SIPA1L3: variants seen among roughly 807,000 people sequenced by gnomAD.
SIPA1L3 encodes signal induced proliferation associated 1 like 3.
SIPA1L3 carries 59 observed loss-of-function variants against 150.1 expected under a neutral mutation model. That is an observed-to-expected ratio of 0.39 (90% CI 0.32 to 0.49). The LOEUF (loss-of-function observed/expected upper bound fraction) is 0.49. Among genes scored for constraint, SIPA1L3 ranks in the 20% least tolerant of loss-of-function variants. The pLI, the probability that SIPA1L3 is intolerant of heterozygous loss-of-function variation, is 0.86. For synonymous variants in SIPA1L3, 1,070 were observed against 1,077.6 expected, an observed-to-expected ratio of 0.99 and a Z score of 0.14; for missense variants, 2,211 against 2,489.5, an observed-to-expected ratio of 0.89 and a Z score of 2.38.
intron 2 of SIPA1L3, among the ~76,000 whole-genome samples, chr19:38,055,048 A>G (rs907540017): frequency 1.3e-5 from 2 of 152,344 alleles, no homozygotes; most frequent in African/African-American, 2.4e-5. Flanking sequence ...GTGGTTAGGC[A>G]TAGAGGCTCA....
At chr19:38,099,645 A>G (rs146015430) in intron 4 of SIPA1L3, among the ~76,000 whole-genome samples, 4 of 152,290 alleles carry the variant, frequency 2.6e-5, no homozygotes, top group African/African-American at 7.2e-5. Flanking sequence ...CAGCCAGTAT[A>G]TGTTGAACAA....
rs199539319 is a variant in SIPA1L3 at position 38,192,116 on chromosome 19, C to T, written c.4431-29C>T. ...AAAAGTGGCTTGAGCCTCCCTGACA[C>T]CCCTCTGACCCTGACGCTGTCATTC... On this transcript the variant is annotated intron_variant, in intron 16 of 21. Transcript: ENST00000222345. 1.9e-4 allele frequency: 292 copies of T among 1,557,256 alleles called. 1 individual carries two copies. The highest frequency in any genetic ancestry group is 2.3e-4 in the Non-Finnish European group (271 of 1,154,772).
Position 38,081,415 on chromosome 19 carries a change from C to T in SIPA1L3, c.-151C>T, listed in dbSNP as rs558649732. 1.5e-4 allele frequency: 107 copies of T among 698,366 alleles called. No individual in the cohort carries two copies. Among genetic ancestry groups the T allele is most frequent in the South Asian group, 2.9e-4 (15 of 51,488 alleles). 43.3% of individuals were successfully genotyped at this position (698,366 alleles called of 1,614,324 possible). A position where few individuals can be genotyped will look rare whatever the true frequency, so the allele number is the denominator to read the frequency against. On this transcript the variant is annotated 5_prime_UTR_variant, in exon 3 of 22. Coordinates refer to ENST00000222345, the MANE Select transcript of SIPA1L3 (RefSeq NM_015073.3). Reference sequence around the variant, plus strand: ...TGCACAGCGATGGTGGAGAACTGGACTCCACAGGCTCACAACCTTCCTGTC... The same window carrying T: ...TGCACAGCGATGGTGGAGAACTGGATTCCACAGGCTCACAACCTTCCTGTC...
At chr19:38,116,057 C>A (rs1788384419) in intron 8 of SIPA1L3, among the ~76,000 whole-genome samples, 1 of 152,046 alleles carries the variant, frequency 6.6e-6, no homozygotes, top group Admixed American at 6.6e-5. Context: ...TGTTTTTAAT[C>A]CATAATCTCT....
intron 2 of SIPA1L3, among the ~76,000 whole-genome samples, chr19:38,075,718 T>C (rs12979004): frequency 0.31 from 47,308 of 151,176 alleles, 8,231 homozygotes; most frequent in East Asian, 0.62. Flanking sequence ...AAGCAGAGAT[T>C]GCAGTGAGCC....
intron 1 of SIPA1L3, among the ~76,000 whole-genome samples, chr19:37,995,815 C>T (rs1378210198): frequency 2.0e-5 from 3 of 152,344 alleles, no homozygotes; most frequent in Admixed American, 2.0e-4. Context: ...GGGGCCCACA[C>T]GTGCCATTGG....
In SIPA1L3 at chr19:38,155,598, A is replaced by G. The variant is rs192834894; in HGVS notation, c.3661+2631A>G. ...GGATTCAGAAGGAAGCAAACAAATG[A>G]GCAATGTTAGAAAGCAGTGACGTCA... is the stretch of plus-strand genomic sequence containing the variant. On this transcript the variant is annotated intron_variant, in intron 13 of 21. Transcript: ENST00000222345. Among the ~76,000 whole-genome samples the G allele has an allele frequency of 3.3e-5, 5 of 152,280 alleles. No individual in the cohort carries two copies. The East Asian group carries it at 9.7e-4, about 29-fold the overall frequency.
intron 2 of SIPA1L3, among the ~76,000 whole-genome samples, chr19:38,030,986 T>C (rs1599928974): frequency 6.6e-6 from 1 of 151,596 alleles, no homozygotes; most frequent in African/African-American, 2.4e-5. Context: ...GTGGATGGAG[T>C]TTCTCTCTCC....
At chr19:38,059,750 C>G (rs1007270571) in intron 2 of SIPA1L3, among the ~76,000 whole-genome samples, 4 of 152,174 alleles carry the variant, frequency 2.6e-5, no homozygotes, top group Admixed American at 2.6e-4. Context: ...GCCTGGAACC[C>G]CCATGGGCTC....
At chr19:38,060,836 G>C (rs917910908) in intron 2 of SIPA1L3, among the ~76,000 whole-genome samples, 8 of 151,734 alleles carry the variant, frequency 5.3e-5, no homozygotes, top group Non-Finnish European at 7.4e-5. Context: ...GGATTACAGG[G>C]GTGTGCCACC....
intron 1 of SIPA1L3, among the ~76,000 whole-genome samples, chr19:38,018,311 G>A (rs945322317): frequency 2.6e-4 from 39 of 151,692 alleles, no homozygotes; most frequent in African/African-American, 9.0e-4. Flanking sequence ...TCACAAGCGC[G>A]CACCATCACG....
rs774233387 is a variant in SIPA1L3, at chr19:38,082,784, T to G, written c.1219T>G (p.Cys407Gly). 1 of 1,613,136 alleles carries G rather than the reference T, an allele frequency of 6.2e-7. No individual in the cohort carries two copies. Among genetic ancestry groups the G allele is most frequent in the African/African-American group, 1.3e-5 (1 of 74,866 alleles). ...PAFTSTEDLN[C>G]KENLEQDLGD... ...CTTCACCAGCACAGAGGACCTAAACTGCAAGGAGAACTTGGAGCAGGACCT... is the reference window on the plus strand; with the variant it reads ...CTTCACCAGCACAGAGGACCTAAACGGCAAGGAGAACTTGGAGCAGGACCT... Residue 407 changes from cysteine (C) to glycine (G), a missense_variant, in exon 3 of 22, where the codon TGC becomes GGC. This residue lies in a region of SIPA1L3 where 587 missense variants were observed against 534.5 expected (regional missense o/e 1.10). Transcript: ENST00000222345.
chr19:38,122,648 A>G (rs966389604), intron 9 of SIPA1L3, among the ~76,000 whole-genome samples: 1 of 152,116 alleles, frequency 6.6e-6, no homozygotes, highest in African/African-American at 2.4e-5. Context: ...ACAGAAGCCC[A>G]TGAGGCCGGG....
chr19:38,204,259 G>C (rs775993322), intron 21 of SIPA1L3, 51 bp downstream of exon 21: 1 of 1,494,156 alleles, frequency 6.7e-7, no homozygotes, highest in Non-Finnish European at 9.1e-7. Context: ...ACACTGGGCA[G>C]GGCAGTCAGC....
At position 38,193,731 on chromosome 19, in the gene SIPA1L3, C is replaced by T. The variant is rs370876604; in HGVS notation, c.4791C>T (p.Val1597=). The change falls in exon 18 of 22, where the codon GTC becomes GTT. Residue 1597 remains valine (V), a synonymous_variant. Coordinates refer to ENST00000222345, the MANE Select transcript of SIPA1L3 (RefSeq NM_015073.3). ...AGCACCAGCACCCCCACCCGCCCGT[C>T]GGCCCCGGTGCCACCCCTGCCGCCG... ...RRQHQHPHPP[V]GPGATPAAGS... 1.8e-4 allele frequency: 289 copies of T among 1,569,356 alleles called. No individual in the cohort carries two copies. The African/African-American group carries it at 2.6e-3, about 14-fold the overall frequency.
At position 38,142,639 on chromosome 19, in the gene SIPA1L3, C is replaced by T. The variant is rs767420967; in HGVS notation, c.3462C>T (p.Tyr1154=). The T allele has an allele frequency of 3.1e-6, 5 of 1,614,092 alleles. No homozygotes were observed. The Admixed American group carries it at 6.7e-5, about 22-fold the overall frequency. The change falls in exon 12 of 22, where the codon TAC becomes TAT. Residue 1154 remains tyrosine (Y), a synonymous_variant. Transcript: ENST00000222345. The part of the protein sequence containing the change: ...SPAGADRVPP[Y]RQPSGSFSTP... ...CAGGGGCCGACAGAGTCCCTCCCTA[C>T]CGACAGCCTTCTGGGAGCTTCTCCA...
intron 4 of SIPA1L3, among the ~76,000 whole-genome samples, chr19:38,098,646 C>T (rs754587089): frequency 3.3e-5 from 5 of 152,034 alleles, no homozygotes; most frequent in South Asian, 2.1e-4. Context: ...CCGCCCGCCT[C>T]GGCCTCCCAA....
intron 1 of SIPA1L3, among the ~76,000 whole-genome samples, chr19:38,025,724 A>G (rs1360633197): frequency 2.0e-5 from 3 of 152,106 alleles, no homozygotes; most frequent in Non-Finnish European, 4.4e-5. Flanking sequence ...GGGTTTTCTG[A>G]TCATCCCAGG....
chr19:38,178,093 GTGTGTGTGTGTGT>G (rs1972478557), intron 15 of SIPA1L3, among the ~76,000 whole-genome samples: 94 of 61,222 alleles, frequency 1.5e-3, no homozygotes, highest in Admixed American at 5.7e-3. Flanking sequence ...TTTGGTGTGT[GTGTGTGTGTGTGT>G]GTGTGTGTGT....
Sources: gnomAD v4.1 joint callset for allele counts (sites outside exome capture counted in the v4.1 genomes callset) on GRCh38, gnomAD v4.1.1 for gene constraint, gnomAD v4.1.1 regional missense constraint, MANE v1.5 for transcripts, NCBI Gene and HGNC (gene_info 2026-07-23, HGNC 2026-07-21) for gene names.